Variants in DPYD observed in about 807,000 individuals in gnomAD.
The protein encoded by DPYD is dihydropyrimidine dehydrogenase.
In DPYD, 109 loss-of-function variants were observed where a neutral mutation model predicts 116.2. The observed-to-expected ratio is 0.94, with a 90% CI of 0.80 to 1.10. The LOEUF is 1.10. DPYD is among the 50% of genes least tolerant of loss of function. The pLI, the probability that DPYD is intolerant of heterozygous loss-of-function variation, is 0.00. For synonymous variants in DPYD, 440 were observed against 432.0 expected (o/e 1.02, Z -0.23); for missense variants, 1,302 against 1,254.5 (o/e 1.04, Z -0.57).
chr1:97,641,995 T>C (rs1164250288), intron 8 of DPYD, among the ~76,000 whole-genome samples: 1 of 152,142 alleles, frequency 6.6e-6, no homozygotes, highest in Non-Finnish European at 1.5e-5. Flanking sequence ...TGAACTCTCA[T>C]TCACAACTGC....
At chr1:97,607,758 C>T (rs549578740) in intron 8 of DPYD, among the ~76,000 whole-genome samples, 1 of 151,942 alleles carries the variant, frequency 6.6e-6, no homozygotes, top group East Asian at 1.9e-4. Context: ...TTCTTGTTAT[C>T]ACAGAAGAAA....
Position 97,173,307 on chromosome 1 carries a change from T to TA in DPYD, c.2622+19761dup, listed in dbSNP as rs538228590. ...ACATATATGTACACATATGTACATA[T>TA]ATATGCACACATATATACACATATA... On this transcript the variant is annotated intron_variant, in intron 20 of 22. Transcript: ENST00000370192. Among the ~76,000 whole-genome samples, 10 of 149,908 alleles carry TA rather than the reference T, an allele frequency of 6.7e-5. No homozygotes were observed. The South Asian group carries it at 2.1e-3, about 31-fold the overall frequency.
At position 97,373,644 on chromosome 1, in the gene DPYD, C is replaced by G; in HGVS notation, c.1975G>C (p.Asp659His). The change falls in exon 16 of 23, where the codon GAT becomes CAT. Residue 659 changes from aspartate (D) to histidine (H), a missense_variant and splice_region_variant. Physicochemically the swap from Asp to His is moderately conservative, Grantham distance 81. Transcript: ENST00000370192. ...AACTCCAGGGCATCTGCTCCAGAAT[C>G]CTTTAAACAAGAAAGGAAAATGAAA... ...DWTELAKKSE[D>H]SGADALELNL... is the part of the protein sequence containing the mutation. The G allele has an allele frequency of 6.2e-7, 1 of 1,613,506 alleles. No individual in the cohort carries two copies. The highest frequency in any genetic ancestry group is 8.5e-7 in the Non-Finnish European group (1 of 1,179,578).
intron 3 of DPYD, among the ~76,000 whole-genome samples, chr1:97,784,117 C>A (rs908309857): frequency 1.3e-5 from 2 of 152,124 alleles, no homozygotes; most frequent in Non-Finnish European, 2.9e-5. Context: ...TACTTGACTT[C>A]ATTTGATTTT....
intron 16 of DPYD, among the ~76,000 whole-genome samples, chr1:97,325,972 T>C (rs1668687741): frequency 6.6e-6 from 1 of 151,766 alleles, no homozygotes; most frequent in Non-Finnish European, 1.5e-5. Flanking sequence ...TGGAAGGCCA[T>C]ATGTTTAATC....
intron 1 of DPYD, among the ~76,000 whole-genome samples, chr1:97,899,440 CTT>C (rs1317825607): frequency 1.3e-5 from 2 of 151,782 alleles, no homozygotes; most frequent in African/African-American, 4.8e-5. Flanking sequence ...CGCCTTTTCC[CTT>C]TGTTTCTTTT....
chr1:97,282,914 T>C (rs1665418349), intron 18 of DPYD, among the ~76,000 whole-genome samples: 1 of 152,146 alleles, frequency 6.6e-6, no homozygotes, highest in East Asian at 1.9e-4. Flanking sequence ...ATATGCTGTG[T>C]AGTATTCCAT....
Position 97,844,382 on chromosome 1 carries a change from C to A in DPYD, c.151-16186G>T, listed in dbSNP as rs567180697. ...TGGGGGCTGGTTGCCAGTCAATCAA[C>A]CGTGTGATTACAGAGTTGGAACTTT... On this transcript the variant is annotated intron_variant, in intron 2 of 22. Coordinates refer to ENST00000370192, the MANE Select transcript of DPYD (RefSeq NM_000110.4). Among the ~76,000 whole-genome samples, 10 of 152,272 alleles carry A rather than the reference C, an allele frequency of 6.6e-5. No homozygotes were observed. The East Asian group carries it at 1.5e-3, about 24-fold the overall frequency.
chr1:97,312,998 C>A (rs549955434), intron 16 of DPYD, among the ~76,000 whole-genome samples: 4 of 151,906 alleles, frequency 2.6e-5, no homozygotes, highest in Admixed American at 2.0e-4. Flanking sequence ...TATTTATTGA[C>A]CATGAGGCAC....
intron 18 of DPYD, among the ~76,000 whole-genome samples, chr1:97,250,975 CA>C (rs2100809678): frequency 1.3e-5 from 2 of 152,232 alleles, no homozygotes; most frequent in South Asian, 4.2e-4. Context: ...TAAGAAGTAG[CA>C]AAATGTCCAT....
intron 18 of DPYD, among the ~76,000 whole-genome samples, chr1:97,262,485 C>T (rs1011889300): frequency 2.6e-5 from 4 of 152,020 alleles, no homozygotes; most frequent in African/African-American, 9.7e-5. Context: ...ACTTCCTGGA[C>T]AATAAAAATG....
chr1:97,317,643 AAAACCTCAGTATTT>A (rs1667938436), intron 16 of DPYD, among the ~76,000 whole-genome samples: 1 of 152,026 alleles, frequency 6.6e-6, no homozygotes, highest in South Asian at 2.1e-4. Flanking sequence ...CCACAAGCAT[AAAACCTCAGTATTT>A]TTATAATTCC....
chr1:97,375,311 G>A (rs944258451), intron 15 of DPYD, among the ~76,000 whole-genome samples: 1 of 152,126 alleles, frequency 6.6e-6, no homozygotes, highest in South Asian at 2.1e-4. Flanking sequence ...AATTGTTTAA[G>A]ATTTTAGCCT....
chr1:97,235,495 G>A (rs988355542), intron 18 of DPYD, among the ~76,000 whole-genome samples: 1 of 151,980 alleles, frequency 6.6e-6, no homozygotes, highest in Non-Finnish European at 1.5e-5. Flanking sequence ...GTGGTGGCAG[G>A]CTCCTGTAAT....
At chr1:97,706,003 T>C (rs1402158345) in intron 5 of DPYD, among the ~76,000 whole-genome samples, 1 of 152,006 alleles carries the variant, frequency 6.6e-6, no homozygotes, top group African/African-American at 2.4e-5. Flanking sequence ...ATTTGTTTTT[T>C]AACGATTACA....
intron 18 of DPYD, among the ~76,000 whole-genome samples, chr1:97,295,301 G>C (rs955696369): frequency 4.6e-5 from 7 of 152,154 alleles, no homozygotes; most frequent in African/African-American, 1.7e-4. Context: ...GCTATGCATT[G>C]CTTGAATAGC....
chr1:97,725,619 A>G (rs1389518846), intron 4 of DPYD, among the ~76,000 whole-genome samples: 1 of 151,672 alleles, frequency 6.6e-6, no homozygotes, highest in Non-Finnish European at 1.5e-5. Flanking sequence ...TGTGATATAA[A>G]TATGAGTCCA....
chr1:97,357,180 T>C (rs1670466229), intron 16 of DPYD, among the ~76,000 whole-genome samples: 1 of 152,222 alleles, frequency 6.6e-6, no homozygotes, highest in Non-Finnish European at 1.5e-5. Flanking sequence ...TTGTATCTTT[T>C]TCAATTGCTT....
intron 13 of DPYD, among the ~76,000 whole-genome samples, chr1:97,467,279 G>C (rs971280874): frequency 2.0e-5 from 3 of 152,174 alleles, no homozygotes; most frequent in Non-Finnish European, 4.4e-5. Context: ...GGTACCTAGA[G>C]AAAGTCAAAC....
Sources: allele counts gnomAD v4.1 joint callset (sites outside exome capture counted in the v4.1 genomes callset), GRCh38; gene constraint gnomAD v4.1.1; transcripts MANE v1.5; gene names NCBI Gene and HGNC (gene_info 2026-07-23, HGNC 2026-07-21).